Variants in DLGAP2 observed in about 807,000 individuals in gnomAD.
DLGAP2 encodes the protein disks large-associated protein 2.
Under a neutral mutation model 100.3 loss-of-function variants are expected in DLGAP2, and 26 were observed. The observed-to-expected ratio is 0.26, with a 90% CI of 0.19 to 0.36. The LOEUF is 0.36. Ranked by LOEUF, DLGAP2 falls within the 10% of genes least tolerant of loss-of-function variation. The pLI is 1.00. For synonymous variants in DLGAP2, 886 were observed against 630.1 expected (o/e 1.41, Z -6.08); for missense variants, 1,858 against 1,453.2 (o/e 1.28, Z -4.53).
chr8:1,640,107 C>A (rs1011820564), intron 8 of DLGAP2, among the ~76,000 whole-genome samples: 4 of 152,180 alleles, frequency 2.6e-5, no homozygotes, highest in South Asian at 2.1e-4. Context: ...TCTCTGAAAC[C>A]GAGCCCAGTA....
chr8:1,018,179 A>C (rs1245705054), intron 2 of DLGAP2, among the ~76,000 whole-genome samples: 4 of 148,022 alleles, frequency 2.7e-5, no homozygotes, highest in Non-Finnish European at 6.0e-5. Context: ...CTAGACTCTC[A>C]CATGATCCCT....
intron 3 of DLGAP2, among the ~76,000 whole-genome samples, chr8:1,287,818 C>T (rs1799974895): frequency 9.2e-6 from 1 of 108,696 alleles, no homozygotes; most frequent in Non-Finnish European, 1.7e-5. Flanking sequence ...AGGACGGGAA[C>T]TAGTTTTGGT....
chr8:905,183 G>GCT (rs1440405471), intron 1 of DLGAP2, among the ~76,000 whole-genome samples: 3 of 152,216 alleles, frequency 2.0e-5, no homozygotes, highest in Non-Finnish European at 2.9e-5. Context: ...TACCTGGCGG[G>GCT]TTCAAGGAAA....
Position 1,707,782 on chromosome 8 carries a change from T to C in DLGAP2, c.*6376T>C. On this transcript the variant is annotated 3_prime_UTR_variant, in exon 15 of 15. Coordinates refer to ENST00000637795, the MANE Select transcript of DLGAP2 (RefSeq NM_001346810.2). ...TTAAAGTTTTAAAGAAGTATATAAATATATATATAAATATAAATATGAAAT... is the reference window on the plus strand; with the variant it reads ...TTAAAGTTTTAAAGAAGTATATAAACATATATATAAATATAAATATGAAAT... 1 of 152,416 alleles carries C rather than the reference T, an allele frequency of 6.6e-6. No homozygotes were observed. The highest frequency in any genetic ancestry group is 2.1e-4 in the South Asian group (1 of 4,824). The allele number at this position is 152,416 out of a possible 1,614,324, so 9.4% of individuals were successfully genotyped here.
intron 1 of DLGAP2, among the ~76,000 whole-genome samples, chr8:775,405 A>AGAGG (rs1821489211): frequency 6.8e-6 from 1 of 147,548 alleles, no homozygotes; most frequent in African/African-American, 2.5e-5. Context: ...GAGTGGTGAG[A>AGAGG]GAGGGCATCC....
intron 2 of DLGAP2, chr8:1,002,831 C>G (rs1264658710): frequency 6.6e-6 from 1 of 152,288 alleles, no homozygotes; most frequent in Non-Finnish European, 1.5e-5. Context: ...GAGTCCTGGA[C>G]TAGGGAGGGG....
intron 2 of DLGAP2, among the ~76,000 whole-genome samples, chr8:1,212,539 A>G (rs1480672032): frequency 6.6e-6 from 1 of 152,182 alleles, no homozygotes; most frequent in Non-Finnish European, 1.5e-5. Flanking sequence ...CAGTGTCCAC[A>G]CACTTGGCAG....
rs894092472 is a variant in DLGAP2, at chr8:1,182,529, T to C, written c.74-76322T>C. The stretch of plus-strand genomic sequence containing the variant: ...TGAGCGTGCATTTAATGCTCACACG[T>C]GTGATGTCTATGTGAGATGCTGGGT... On this transcript the variant is annotated intron_variant, in intron 2 of 14. Transcript: ENST00000637795. 2.6e-5 allele frequency among the ~76,000 whole-genome samples: 4 copies of C among 152,136 alleles called. 1 individual carries two copies. Among genetic ancestry groups the C allele is most frequent in the Admixed American group, 2.6e-4 (4 of 15,280 alleles).
intron 3 of DLGAP2, among the ~76,000 whole-genome samples, chr8:1,332,152 T>G (rs892367205): frequency 6.6e-6 from 1 of 151,796 alleles, no homozygotes; most frequent in African/African-American, 2.4e-5. Context: ...AATGGGGGTG[T>G]GTGTGAGTGT....
chr8:1,256,219 T>C (rs1290462634), intron 2 of DLGAP2, among the ~76,000 whole-genome samples: 12 of 127,090 alleles, frequency 9.4e-5, no homozygotes, highest in East Asian at 2.7e-4. Flanking sequence ...GGGTGCTGTG[T>C]GTGTGCCCTC....
chr8:1,135,679 A>G (rs1044636369), intron 2 of DLGAP2, among the ~76,000 whole-genome samples: 1 of 152,064 alleles, frequency 6.6e-6, no homozygotes, highest in African/African-American at 2.4e-5. Context: ...CAGGAACTGC[A>G]GGTTGGGCGC....
At chr8:1,690,335 G>A (rs1327552436) in intron 12 of DLGAP2, among the ~76,000 whole-genome samples, 2 of 151,842 alleles carry the variant, frequency 1.3e-5, no homozygotes, top group Non-Finnish European at 1.5e-5. Flanking sequence ...CAGCCTAGGT[G>A]ACAGAGCGAG....
chr8:1,541,752 A>G (rs10503166), intron 4 of DLGAP2, among the ~76,000 whole-genome samples: 13,122 of 152,268 alleles, frequency 0.086, 780 homozygotes, highest in Non-Finnish European at 0.13. Flanking sequence ...TTAAGTAACC[A>G]TCAGCCATTT....
At chr8:1,425,225 C>T (rs1584886788) in intron 3 of DLGAP2, among the ~76,000 whole-genome samples, 2 of 152,112 alleles carry the variant, frequency 1.3e-5, no homozygotes, top group Non-Finnish European at 2.9e-5. Context: ...TCTTTTAACT[C>T]GTTTCAATGA....
intron 2 of DLGAP2, among the ~76,000 whole-genome samples, chr8:1,207,394 G>T (rs1016981570): frequency 2.6e-5 from 4 of 152,096 alleles, no homozygotes; most frequent in Admixed American, 2.0e-4. Context: ...CCAGGCTGCC[G>T]CAAATGCCAT....
At chr8:1,059,799 A>C (rs886349048) in intron 2 of DLGAP2, among the ~76,000 whole-genome samples, 2 of 152,158 alleles carry the variant, frequency 1.3e-5, no homozygotes, top group Non-Finnish European at 2.9e-5. Context: ...ACCAGGACAG[A>C]CAGAGACACG....
Position 1,668,369 on chromosome 8 carries a change from G to A in DLGAP2, c.1851G>A (p.Val617=), listed in dbSNP as rs1341474036. 1.3e-6 allele frequency: 2 copies of A among 1,559,434 alleles called. No individual in the cohort carries two copies. The highest frequency in any genetic ancestry group is 1.4e-5 in the African/African-American group (1 of 72,456). Residue 617 remains valine, a synonymous_variant, in exon 9 of 15, where the codon GTG becomes GTA. Coordinates refer to ENST00000637795, the MANE Select transcript of DLGAP2 (RefSeq NM_001346810.2). The part of the protein sequence containing the change: ...YTNYKKTPPP[V]PPRTTSKPLI... ...ATTACAAGAAAACGCCCCCACCGGT[G>A]CCCCCTCGGACCACCTCCAAGCCTC...
chr8:1,364,000 G>T (rs965996238), intron 3 of DLGAP2, among the ~76,000 whole-genome samples: 5 of 152,196 alleles, frequency 3.3e-5, no homozygotes, highest in African/African-American at 1.2e-4. Flanking sequence ...TCCTCTGTCA[G>T]GTGCACCAGG....
chr8:1,506,760 C>T (rs181671875), intron 4 of DLGAP2, among the ~76,000 whole-genome samples: 4 of 152,302 alleles, frequency 2.6e-5, no homozygotes, highest in East Asian at 1.9e-4. Context: ...GGTGCATTTA[C>T]AATCCCTGAG....
Sources: allele counts gnomAD v4.1 joint callset (sites outside exome capture counted in the v4.1 genomes callset), GRCh38; gene constraint gnomAD v4.1.1; transcripts MANE v1.5; gene names NCBI Gene and HGNC (gene_info 2026-07-23, HGNC 2026-07-21).